LGR5: variants seen among roughly 807,000 people sequenced by gnomAD.
The protein encoded by LGR5 is leucine-rich repeat-containing G protein-coupled receptor 5.
Under a neutral mutation model 76.7 loss-of-function variants are expected in LGR5, and 54 were observed. The observed-to-expected ratio is 0.70, with a 90% CI of 0.57 to 0.88. LGR5 has a LOEUF of 0.88. LGR5 is among the 40% of genes least tolerant of loss of function. The pLI, the probability that LGR5 is intolerant of heterozygous loss-of-function variation, is 0.00. For missense variants in LGR5, 1,078 were observed against 1,073.3 expected (o/e 1.00, Z -0.06); for synonymous variants, 406 against 421.9 (o/e 0.96, Z 0.46).
At position 71,540,318 on chromosome 12, in the gene LGR5, A is replaced by G. The variant is rs140267932; in HGVS notation, c.428+5132A>G. 4.5e-3 allele frequency among the ~76,000 whole-genome samples: 681 copies of G among 152,352 alleles called. 11 individuals are homozygous for G. The highest frequency in any genetic ancestry group is 0.016 in the African/African-American group (653 of 41,584). Reference sequence around the variant, plus strand: ...TTGGTTTTTATTCCAAGTGTGCACAAGTGAAGCTAACTGTGGAATTTGCAT... The same window carrying G: ...TTGGTTTTTATTCCAAGTGTGCACAGGTGAAGCTAACTGTGGAATTTGCAT... On this transcript the variant is annotated intron_variant, in intron 4 of 17. Transcript: ENST00000266674.
At chr12:71,469,392 C>A (rs1872996168) in intron 1 of LGR5, among the ~76,000 whole-genome samples, 1 of 152,234 alleles carries the variant, frequency 6.6e-6, no homozygotes, top group Non-Finnish European at 1.5e-5. Context: ...CGTCCTCTGG[C>A]CTGATCCTGG....
chr12:71,453,560 C>T (rs1872337330), intron 1 of LGR5, among the ~76,000 whole-genome samples: 1 of 151,386 alleles, frequency 6.6e-6, no homozygotes, highest in South Asian at 2.1e-4. Flanking sequence ...CTTAGAAGCA[C>T]CAGTATCAGC....
At chr12:71,554,059 G>A (rs1189090847) in intron 5 of LGR5, among the ~76,000 whole-genome samples, 1 of 152,096 alleles carries the variant, frequency 6.6e-6, no homozygotes, top group African/African-American at 2.4e-5. Flanking sequence ...TCCACCCTGG[G>A]GAAGAGAGTG....
chr12:71,569,475 C>T (rs1168688829), intron 11 of LGR5, among the ~76,000 whole-genome samples: 1 of 151,086 alleles, frequency 6.6e-6, no homozygotes, highest in Non-Finnish European at 1.5e-5. Context: ...AAAAAACAAC[C>T]CCATTAAAAC....
chr12:71,496,386 A>G (rs1874321189), intron 1 of LGR5, among the ~76,000 whole-genome samples: 1 of 149,048 alleles, frequency 6.7e-6, no homozygotes, highest in Admixed American at 6.7e-5. Context: ...AAAAAAAAAA[A>G]AAAAAAGAGA....
chr12:71,482,255 G>T (rs1269674395), intron 1 of LGR5, among the ~76,000 whole-genome samples: 1 of 152,194 alleles, frequency 6.6e-6, no homozygotes, highest in Admixed American at 6.5e-5. Context: ...TGCTGGGACT[G>T]CCATAACAAA....
Position 71,584,348 on chromosome 12 carries a change from T to C in LGR5, c.2338T>C (p.Cys780Arg). ...LLLFTNCILN[C>R]PVAFLSFSSL... The stretch of plus-strand genomic sequence containing the variant: ...GCTCTTCACCAACTGCATCCTAAAC[T>C]GCCCTGTGGCTTTCTTGTCCTTCTC... The change falls in exon 18 of 18, where the codon TGC (cysteine) becomes CGC (arginine). Residue 780 changes from cysteine to arginine, a missense_variant. Cys to Arg is a radical substitution (Grantham distance 180, BLOSUM62 -3). Coordinates refer to ENST00000266674, the MANE Select transcript of LGR5 (RefSeq NM_003667.4). The C allele has an allele frequency of 6.2e-7, 1 of 1,614,256 alleles. No homozygotes were observed. Among genetic ancestry groups the C allele is most frequent in the African/African-American group, 1.3e-5 (1 of 75,076 alleles).
chr12:71,488,231 A>C (rs2137274001), intron 1 of LGR5, among the ~76,000 whole-genome samples: 1 of 152,234 alleles, frequency 6.6e-6, no homozygotes, highest in East Asian at 1.9e-4. Context: ...ATGTAAAACA[A>C]AAACAAGTCT....
chr12:71,547,353 T>C (rs1318847095), intron 4 of LGR5, among the ~76,000 whole-genome samples: 5 of 152,068 alleles, frequency 3.3e-5, no homozygotes, highest in Admixed American at 1.3e-4. Context: ...GTATGGTAAA[T>C]AGAGAAACAC....
chr12:71,577,326 G>A (rs890020091), intron 13 of LGR5, among the ~76,000 whole-genome samples: 1 of 152,138 alleles, frequency 6.6e-6, no homozygotes, highest in African/African-American at 2.4e-5. Context: ...CATGGGAAGT[G>A]AATTTTATTT....
At chr12:71,534,255 T>C (rs1336104648) in intron 3 of LGR5, among the ~76,000 whole-genome samples, 1 of 152,252 alleles carries the variant, frequency 6.6e-6, no homozygotes, top group Non-Finnish European at 1.5e-5. Context: ...GGAATTTGTT[T>C]CCATGCTATT....
intron 1 of LGR5, among the ~76,000 whole-genome samples, chr12:71,448,221 C>T (rs1228433839): frequency 1.3e-5 from 2 of 152,028 alleles, no homozygotes; most frequent in Admixed American, 1.3e-4. Context: ...TACTTTTGTT[C>T]TCCTTTTTTC....
chr12:71,584,396 A>T lies in LGR5; in HGVS notation c.2386A>T (p.Ile796Phe). 1 of 1,614,162 alleles carries T rather than the reference A, an allele frequency of 6.2e-7. No individual in the cohort carries two copies. Among genetic ancestry groups the T allele is most frequent in the Non-Finnish European group, 8.5e-7 (1 of 1,180,012 alleles). Residue 796 changes from isoleucine (I) to phenylalanine (F), a missense_variant, in exon 18 of 18, where the codon ATC becomes TTC. Transcript: ENST00000266674. ...SFSSLINLTF[I>F]SPEVIKFILL... is the part of the protein sequence containing the mutation. ...CTCCTCTTTAATAAACCTTACATTTATCAGTCCTGAAGTAATTAAGTTTAT... is the reference window on the plus strand; with the variant it reads ...CTCCTCTTTAATAAACCTTACATTTTTCAGTCCTGAAGTAATTAAGTTTAT...
At chr12:71,515,468 T>A (rs1875388647) in intron 2 of LGR5, among the ~76,000 whole-genome samples, 1 of 152,206 alleles carries the variant, frequency 6.6e-6, no homozygotes, top group Admixed American at 6.5e-5. Context: ...AATGATAGTT[T>A]AACAGCAGTT....
intron 4 of LGR5, among the ~76,000 whole-genome samples, chr12:71,542,200 C>T (rs1018962760): frequency 3.3e-5 from 5 of 152,116 alleles, no homozygotes; most frequent in African/African-American, 1.2e-4. Context: ...GAAAGGCATC[C>T]TACTGCTAAT....
intron 11 of LGR5, among the ~76,000 whole-genome samples, chr12:71,567,712 T>C (rs1878417875): frequency 6.6e-6 from 1 of 152,146 alleles, no homozygotes; most frequent in Non-Finnish European, 1.5e-5. Flanking sequence ...TGATTCTGCC[T>C]TTCCCCAGCC....
chr12:71,503,168 A>G (rs1217757521), intron 1 of LGR5, among the ~76,000 whole-genome samples: 1 of 152,220 alleles, frequency 6.6e-6, no homozygotes, highest in East Asian at 1.9e-4. Context: ...AGTTTAAAAC[A>G]TGGCTGTTCA....
At chr12:71,521,457 C>A (rs1475487099) in intron 2 of LGR5, among the ~76,000 whole-genome samples, 1 of 152,146 alleles carries the variant, frequency 6.6e-6, no homozygotes, top group African/African-American at 2.4e-5. Context: ...GTTCTCCAAA[C>A]CAGAATTGTT....
At chr12:71,455,522 G>A (rs1872435065) in intron 1 of LGR5, among the ~76,000 whole-genome samples, 1 of 152,122 alleles carries the variant, frequency 6.6e-6, no homozygotes. Context: ...TTGTTTTACA[G>A]TTTACAGAGC....
Sources: allele counts gnomAD v4.1 joint callset (sites outside exome capture counted in the v4.1 genomes callset), GRCh38; gene constraint gnomAD v4.1.1; transcripts MANE v1.5; gene names NCBI Gene and HGNC (gene_info 2026-07-23, HGNC 2026-07-21).